TFEC: variants seen among roughly 807,000 people sequenced by gnomAD.
TFEC encodes the protein transcription factor EC.
TFEC carries 31 observed loss-of-function variants against 41.6 expected under a neutral mutation model. The observed-to-expected ratio is 0.74, with a 90% CI of 0.56 to 1.01. TFEC has a LOEUF of 1.01. Ranked by LOEUF, TFEC falls within the 50% of genes least tolerant of loss-of-function variation. TFEC has a pLI of 0.00. For synonymous variants in TFEC, 143 were observed against 140.6 expected (o/e 1.02, Z -0.12); for missense variants, 402 against 404.1 (o/e 0.99, Z 0.04).
chr7:115,989,172 A>T (rs1793990619), intron 1 of TFEC, among the ~76,000 whole-genome samples: 1 of 152,228 alleles, frequency 6.6e-6, no homozygotes, highest in Non-Finnish European at 1.5e-5. Context: ...AGAGAGACAA[A>T]GAGCATCAGA....
Position 116,062,560 on chromosome 7 carries a change from CATATATATATATATAT to C in TFEC, c.198+48132_198+48147del, listed in dbSNP as rs57742551. ...TTCCTTTTTATAGCTGAGTAGTACTCATATATATATATATATATATATATATATATATATATATATC... is the reference window on the plus strand; with the variant it reads ...TTCCTTTTTATAGCTGAGTAGTACTCATATATATATATATATATATATATC... On this transcript the variant is annotated intron_variant, in intron 3 of 8. Coordinates refer to the TFEC transcript ENST00000484212. Among the ~76,000 whole-genome samples, 40 of 101,708 alleles carry C rather than the reference CATATATATATATATAT, an allele frequency of 3.9e-4. No individual in the cohort carries two copies. The East Asian group carries it at 5.3e-3, about 13-fold the overall frequency. 66.7% of individuals were successfully genotyped at this position (101,708 alleles called of 152,430 possible).
intron 3 of TFEC, among the ~76,000 whole-genome samples, chr7:116,064,619 C>T (rs184789906): frequency 1.3e-4 from 20 of 152,026 alleles, no homozygotes; most frequent in East Asian, 3.9e-4. Flanking sequence ...ACCTAGATGA[C>T]GGGTTGATAG....
Position 115,946,417 on chromosome 7 carries a change from G to T in TFEC, c.516-4377C>A, listed in dbSNP as rs200756880. Among the ~76,000 whole-genome samples, 16 of 121,380 alleles carry T rather than the reference G, an allele frequency of 1.3e-4. 1 individual carries two copies. The South Asian group carries it at 2.6e-3, about 20-fold the overall frequency. The allele number at this position is 121,380 out of a possible 152,430, so 79.6% of individuals were successfully genotyped here. A position where few individuals can be genotyped will look rare whatever the true frequency, so the allele number is the denominator to read the frequency against. Reference sequence around the variant, plus strand: ...ATAACGTGTGTGTGTGTGTGTGTGTGTGTGTGTGTGTGTGTGTGTGTAGGG... The same window carrying T: ...ATAACGTGTGTGTGTGTGTGTGTGTTTGTGTGTGTGTGTGTGTGTGTAGGG... On this transcript the variant is annotated intron_variant, in intron 6 of 7. Transcript: ENST00000265440.
chr7:115,956,621 C>T (rs1194876501), intron 4 of TFEC, 58 bp downstream of exon 4: 2 of 1,264,656 alleles, frequency 1.6e-6, no homozygotes, highest in Non-Finnish European at 2.2e-6. Flanking sequence ...ATATATGTCA[C>T]TCATAACTTA....
At chr7:116,044,772 T>C (rs56172164) in intron 3 of TFEC, among the ~76,000 whole-genome samples, 1,912 of 152,318 alleles carry the variant, frequency 0.013, 44 homozygotes, top group African/African-American at 0.044. Flanking sequence ...CTGGGAGGCA[T>C]AATCTGTAGT....
At chr7:116,093,518 G>T (rs895301571) in intron 3 of TFEC, among the ~76,000 whole-genome samples, 40 of 152,222 alleles carry the variant, frequency 2.6e-4, no homozygotes, top group Non-Finnish European at 4.0e-4. Flanking sequence ...TGACTAACCT[G>T]TTAAATGGCT....
At chr7:116,159,005 T>C (rs772470773) in intron 1 of TFEC, among the ~76,000 whole-genome samples, 1 of 151,904 alleles carries the variant, frequency 6.6e-6, no homozygotes, top group Admixed American at 6.6e-5. Context: ...TTTACAAATA[T>C]GAGTTTGAAT....
intron 1 of TFEC, among the ~76,000 whole-genome samples, chr7:116,158,418 A>G (rs1798912212): frequency 6.6e-6 from 1 of 152,156 alleles, no homozygotes; most frequent in Non-Finnish European, 1.5e-5. Context: ...AAATTATGCA[A>G]ACATCTGAAG....
chr7:116,121,607 A>G (rs1798109405), intron 1 of TFEC: 1 of 152,120 alleles, frequency 6.6e-6, no homozygotes, highest in Non-Finnish European at 1.5e-5. Flanking sequence ...ATATAGAAGC[A>G]AATTACTATT....
chr7:115,941,093 T>C (rs1793471969), intron 7 of TFEC, 162 bp from the exon 8 acceptor site: 3 of 702,186 alleles, frequency 4.3e-6, no homozygotes, highest in Non-Finnish European at 6.7e-6. Context: ...TTGATACATT[T>C]CTGATGCATG....
At chr7:116,049,388 A>T (rs1255524347) in intron 3 of TFEC, among the ~76,000 whole-genome samples, 1 of 152,266 alleles carries the variant, frequency 6.6e-6, no homozygotes, top group East Asian at 1.9e-4. Flanking sequence ...AAAGGAGGTC[A>T]TTACATAATG....
chr7:116,029,216 G>T (rs1449306922), intron 1 of TFEC, among the ~76,000 whole-genome samples: 1 of 151,558 alleles, frequency 6.6e-6, no homozygotes, highest in Admixed American at 6.6e-5. Flanking sequence ...AAATAGACAT[G>T]AAAATTATAT....
In TFEC at chr7:116,043,233, T is replaced by G. The variant is rs184005219; in HGVS notation, c.199-58720A>C. On this transcript the variant is annotated intron_variant, in intron 3 of 8. Transcript: ENST00000484212. The stretch of plus-strand genomic sequence containing the variant: ...TTATGAACATATGTGGATATAATGA[T>G]TTTCCTGGAAGAATACTCCACTCTT... Among the ~76,000 whole-genome samples the G allele has an allele frequency of 1.6e-4, 24 of 152,272 alleles. No homozygotes were observed. In the East Asian group the frequency reaches 4.2e-3, roughly 27 times the overall value.
intron 3 of TFEC, 141 bp from the exon 4 acceptor site, chr7:115,956,934 C>A: frequency 2.1e-6 from 1 of 469,862 alleles, no homozygotes; most frequent in Non-Finnish European, 3.5e-6. Flanking sequence ...TGCTTTTAAA[C>A]AAGACGAGTA....
At chr7:116,028,357 C>A (rs948861005) in intron 1 of TFEC, among the ~76,000 whole-genome samples, 34 of 152,320 alleles carry the variant, frequency 2.2e-4, no homozygotes, top group African/African-American at 7.2e-4. Flanking sequence ...CTGGCATTCA[C>A]AATTCTATAT....
intron 3 of TFEC, chr7:115,968,112 T>G (rs1172066518): frequency 1.4e-6 from 2 of 1,416,174 alleles, no homozygotes; most frequent in East Asian, 5.0e-5. Context: ...TATAAGTTTA[T>G]AAAGTTTAAA....
chr7:116,073,483 G>A (rs932630225), intron 3 of TFEC, among the ~76,000 whole-genome samples: 7 of 151,374 alleles, frequency 4.6e-5, no homozygotes, highest in Non-Finnish European at 7.4e-5. Context: ...TAAGTTCTGG[G>A]ATACATGTGC....
At chr7:116,117,592 G>T (rs1408552384) in intron 1 of TFEC, 1 of 151,736 alleles carries the variant, frequency 6.6e-6, no homozygotes, top group East Asian at 1.9e-4. Context: ...GGGACGTGGA[G>T]TTCTCGAACT....
At chr7:116,052,468 T>C (rs1796333264) in intron 3 of TFEC, among the ~76,000 whole-genome samples, 1 of 152,034 alleles carries the variant, frequency 6.6e-6, no homozygotes, top group Non-Finnish European at 1.5e-5. Flanking sequence ...CTCACCCTGT[T>C]GCCAGGCTGG....
Sources: allele counts gnomAD v4.1 joint callset (sites outside exome capture counted in the v4.1 genomes callset), GRCh38; gene constraint gnomAD v4.1.1; transcripts MANE v1.5; gene names NCBI Gene and HGNC (gene_info 2026-07-23, HGNC 2026-07-21).